Variants in PCDH15 observed in about 807,000 individuals in gnomAD.
PCDH15 encodes the protein protocadherin-15.
A neutral mutation model predicts 178.5 loss-of-function variants in PCDH15; 129 were observed. The observed-to-expected ratio is 0.72, with a 90% confidence interval of 0.63 to 0.84. PCDH15 has a LOEUF of 0.84. Ranked by LOEUF, PCDH15 falls within the 40% of genes least tolerant of loss-of-function variation. The pLI is 0.00. For synonymous variants in PCDH15, 800 were observed against 732.0 expected (o/e 1.09, Z -1.50); for missense variants, 2,230 against 2,099.9 (o/e 1.06, Z -1.21).
intron 4 of PCDH15, among the ~76,000 whole-genome samples, chr10:54,375,443 A>C (rs1241036918): frequency 6.6e-6 from 1 of 152,110 alleles, no homozygotes; most frequent in Non-Finnish European, 1.5e-5. Flanking sequence ...TGGTAAACAT[A>C]CAATTTCCAT....
At chr10:54,282,716 C>A (rs1460522196) in intron 8 of PCDH15, among the ~76,000 whole-genome samples, 1 of 151,896 alleles carries the variant, frequency 6.6e-6, no homozygotes, top group Non-Finnish European at 1.5e-5. Flanking sequence ...GTGATGAATT[C>A]TAGATAATTT....
At chr10:54,330,560 A>G (rs1019218904) in intron 6 of PCDH15, among the ~76,000 whole-genome samples, 14 of 137,180 alleles carry the variant, frequency 1.0e-4, no homozygotes, top group African/African-American at 4.3e-4. Context: ...ATTATTGTGG[A>G]AAAAAAAATC....
At chr10:54,362,027 T>C (rs1324648229) in intron 5 of PCDH15, among the ~76,000 whole-genome samples, 2 of 152,050 alleles carry the variant, frequency 1.3e-5, no homozygotes. Flanking sequence ...ATGAAAACAA[T>C]GAACACACAA....
Position 55,198,820 on chromosome 10 carries a change from C to G in PCDH15, c.-155-32169G>C, listed in dbSNP as rs560465428. ...TTAAAAAGTACTGTGTAGTGCTTCCCCCTTTGCTCTCCCTCTCTCCTGCTC... is the reference window on the plus strand; with the variant it reads ...TTAAAAAGTACTGTGTAGTGCTTCCGCCTTTGCTCTCCCTCTCTCCTGCTC... On this transcript the variant is annotated intron_variant, in intron 1 of 5. Coordinates refer to the PCDH15 transcript ENST00000458638. Among the ~76,000 whole-genome samples, 225 of 152,132 alleles carry G rather than the reference C, an allele frequency of 1.5e-3. 1 individual carries two copies. The highest frequency in any genetic ancestry group is 4.8e-3 in the African/African-American group (199 of 41,446).
chr10:55,484,275 A>G (rs776103363), intron 2 of PCDH15, among the ~76,000 whole-genome samples: 1 of 151,698 alleles, frequency 6.6e-6, no homozygotes, highest in Non-Finnish European at 1.5e-5. Flanking sequence ...CTGCACTTGT[A>G]CCCCTGAACT....
At chr10:54,041,144 G>A (rs2093533861) in intron 18 of PCDH15, among the ~76,000 whole-genome samples, 1 of 152,104 alleles carries the variant, frequency 6.6e-6, no homozygotes, top group Non-Finnish European at 1.5e-5. Context: ...CCACATACCA[G>A]TTAGATAGCA....
intron 8 of PCDH15, among the ~76,000 whole-genome samples, chr10:54,286,573 A>ATGTTTT (rs545822503): frequency 4.8e-4 from 73 of 152,330 alleles, no homozygotes; most frequent in Non-Finnish European, 9.0e-4. Flanking sequence ...AGAAATTGTA[A>ATGTTTT]TGTTTTTGTT....
chr10:54,783,642 A>G (rs1010439824), intron 1 of PCDH15, among the ~76,000 whole-genome samples: 13 of 152,120 alleles, frequency 8.5e-5, no homozygotes, highest in African/African-American at 3.1e-4. Context: ...GAAAGATTAA[A>G]GATTTCCTAG....
intron 8 of PCDH15, among the ~76,000 whole-genome samples, chr10:54,251,575 G>A (rs2056476324): frequency 6.6e-6 from 1 of 152,152 alleles, no homozygotes; most frequent in South Asian, 2.1e-4. Flanking sequence ...GGCTGATGCA[G>A]ACAAAGTCTT....
intron 2 of PCDH15, among the ~76,000 whole-genome samples, chr10:55,135,640 T>C (rs1011048656): frequency 3.0e-5 from 4 of 134,160 alleles, no homozygotes; most frequent in Non-Finnish European, 6.1e-5. Context: ...TGGAGTGCAG[T>C]GGCACTATCA....
In PCDH15 at chr10:54,963,377, A is replaced by G. The variant is rs138256349; in HGVS notation, c.-79-65877T>C. On this transcript the variant is annotated intron_variant, in intron 2 of 5. Coordinates refer to the PCDH15 transcript ENST00000458638. ...ATTTTAATGGAAATAGATTGGGTTG[A>G]ACCCCTTATCCCACATTCTCACTAA... 5.7e-3 allele frequency among the ~76,000 whole-genome samples: 868 copies of G among 152,170 alleles called. 4 individuals carry two copies. Among genetic ancestry groups the G allele is most frequent in the African/African-American group, 0.02 (831 of 41,522 alleles).
intron 21 of PCDH15, among the ~76,000 whole-genome samples, chr10:53,973,399 C>A (rs2089924488): frequency 6.6e-6 from 1 of 151,840 alleles, no homozygotes; most frequent in Non-Finnish European, 1.5e-5. Context: ...ATGTAACAAA[C>A]CTGCACGTTG....
intron 3 of PCDH15, among the ~76,000 whole-genome samples, chr10:54,846,629 T>C (rs1334027907): frequency 6.6e-6 from 1 of 152,124 alleles, no homozygotes; most frequent in East Asian, 1.9e-4. Flanking sequence ...CAGTGCAGCT[T>C]TTCTTCTTCT....
intron 3 of PCDH15, among the ~76,000 whole-genome samples, chr10:54,822,324 T>C (rs1953056997): frequency 6.6e-6 from 1 of 152,228 alleles, no homozygotes; most frequent in African/African-American, 2.4e-5. Flanking sequence ...TAACCACCAC[T>C]CTACTCTCTG....
chr10:55,525,258 A>G (rs1204980266), intron 2 of PCDH15, among the ~76,000 whole-genome samples: 2 of 151,918 alleles, frequency 1.3e-5, no homozygotes, highest in East Asian at 1.9e-4. Flanking sequence ...TGAATATTGT[A>G]AATATCTCAG....
At chr10:54,913,163 G>C (rs1441369219) in intron 2 of PCDH15, among the ~76,000 whole-genome samples, 2 of 152,200 alleles carry the variant, frequency 1.3e-5, no homozygotes, top group Non-Finnish European at 2.9e-5. Flanking sequence ...GGAGCCTAAT[G>C]GTAGTAGCCA....
intron 2 of PCDH15, among the ~76,000 whole-genome samples, chr10:54,563,019 A>C (rs1424494345): frequency 6.6e-6 from 1 of 152,166 alleles, no homozygotes; most frequent in Admixed American, 6.6e-5. Flanking sequence ...CATGTATAGG[A>C]GATAAAAGAT....
intron 2 of PCDH15, among the ~76,000 whole-genome samples, chr10:55,371,568 G>T (rs1003991898): frequency 1.3e-4 from 20 of 152,042 alleles, no homozygotes; most frequent in African/African-American, 4.8e-4. Context: ...GTGCTCAAAA[G>T]ATCTGGTTGT....
chr10:53,833,629 C>T (rs2077139275), intron 29 of PCDH15, among the ~76,000 whole-genome samples: 1 of 151,956 alleles, frequency 6.6e-6, no homozygotes, highest in Non-Finnish European at 1.5e-5. Flanking sequence ...TATTCAGATA[C>T]TATTCAAAGA....
Sources: allele counts gnomAD v4.1 joint callset (sites outside exome capture counted in the v4.1 genomes callset), GRCh38; gene constraint gnomAD v4.1.1; transcripts MANE v1.5; gene names NCBI Gene and HGNC (gene_info 2026-07-23, HGNC 2026-07-21).